The following PLEKHG5 variants were observed in gnomAD, a reference collection of about 807,000 sequenced individuals.
PLEKHG5 encodes pleckstrin homology domain-containing family G member 5.
Under a neutral mutation model 103.8 loss-of-function variants are expected in PLEKHG5, and 52 were observed. That is an observed-to-expected ratio of 0.50 (90% CI 0.40 to 0.63). PLEKHG5 has a LOEUF of 0.63. Ranked by LOEUF, PLEKHG5 falls within the 30% of genes least tolerant of loss-of-function variation. PLEKHG5 has a pLI of 0.00. For synonymous variants in PLEKHG5, 592 were observed against 575.5 expected, an observed-to-expected ratio of 1.03 and a Z score of -0.41; for missense variants, 1,205 against 1,347.6, an observed-to-expected ratio of 0.89 and a Z score of 1.66.
At chr1:6,519,316 C>T in intron 1 of PLEKHG5, 1 of 779,416 alleles carries the variant, frequency 1.3e-6, no homozygotes, top group South Asian at 1.4e-5. Flanking sequence ...CTGCAAGTGG[C>T]TCTTAAACCG....
At chr1:6,475,845 C>T (rs1303907979) in intron 3 of PLEKHG5, 86 bp downstream of exon 3, 6 of 1,134,880 alleles carry the variant, frequency 5.3e-6, no homozygotes, top group Non-Finnish European at 8.0e-6. Flanking sequence ...GAGGAAGGCG[C>T]CAGAGCATCT....
Position 6,473,392 on chromosome 1 carries a change from C to A in PLEKHG5, c.654G>T (p.Gln218His). Residue 218 changes from glutamine to histidine, a missense_variant, in exon 8 of 21, where the codon CAG (glutamine) becomes CAT (histidine). Physicochemically the swap from Gln to His is conservative, Grantham distance 24. Transcript: ENST00000377728. ...EFLGEASIPGQEPPTPSSCSL... is the reference protein window; with the variant it reads ...EFLGEASIPGHEPPTPSSCSL... ...AGCAGCTGGAGGGCGTGGGGGGCTC[C>A]TGCCCGGGGATGCTCGCCTCCCCCA... 1 of 1,546,480 alleles carries A rather than the reference C, an allele frequency of 6.5e-7. No individual in the cohort carries two copies. Among genetic ancestry groups the A allele is most frequent in the Non-Finnish European group, 8.7e-7 (1 of 1,145,128 alleles).
At chr1:6,473,810 T>C (rs1160423528) in intron 7 of PLEKHG5, among the ~76,000 whole-genome samples, 2 of 152,126 alleles carry the variant, frequency 1.3e-5, no homozygotes, top group African/African-American at 4.8e-5. Context: ...GAGTCTCAGA[T>C]ACAAGCCCTC....
At chr1:6,509,882 G>A (rs1360429089) in intron 1 of PLEKHG5, among the ~76,000 whole-genome samples, 1 of 152,176 alleles carries the variant, frequency 6.6e-6, no homozygotes, top group Non-Finnish European at 1.5e-5. Flanking sequence ...CACCCCAAAG[G>A]GATAGACTTG....
chr1:6,473,977 C>T (rs1247813174), intron 7 of PLEKHG5, 36 bp downstream of exon 7: 432 of 662,940 alleles, frequency 6.5e-4, no homozygotes, highest in Middle Eastern at 1.7e-3. Flanking sequence ...TGGGCCCCTT[C>T]CCACCCCCTC....
chr1:6,502,620 T>C (rs1645307820), intron 1 of PLEKHG5, among the ~76,000 whole-genome samples: 1 of 151,680 alleles, frequency 6.6e-6, no homozygotes, highest in Non-Finnish European at 1.5e-5. Flanking sequence ...CCTCCAGAGG[T>C]TCCTCAGAGG....
chr1:6,474,070 C>T lies in PLEKHG5; in HGVS notation c.534G>A (p.Gly178=). ...CGTCCACACGCTCCAGGGCGGGGGG[C>T]CCGGTCCCAGCTGGCCGCAGAATCG... ...SLPILRPAGT[G]PPALERVDAQ... Residue 178 remains glycine (G), a synonymous_variant, in exon 7 of 21, where the codon GGG becomes GGA. Transcript: ENST00000377728. The T allele has an allele frequency of 1.3e-6, 2 of 1,582,082 alleles. No individual in the cohort carries two copies. Among genetic ancestry groups the T allele is most frequent in the Non-Finnish European group, 1.7e-6 (2 of 1,161,714 alleles).
At chr1:6,508,252 A>G (rs976705251) in intron 1 of PLEKHG5, among the ~76,000 whole-genome samples, 2 of 152,136 alleles carry the variant, frequency 1.3e-5, no homozygotes, top group Admixed American at 1.3e-4. Flanking sequence ...GCAGCCCTGG[A>G]TGCCAAGAGG....
chr1:6,502,958 C>T (rs982242353), intron 1 of PLEKHG5, among the ~76,000 whole-genome samples: 1 of 152,232 alleles, frequency 6.6e-6, no homozygotes, highest in African/African-American at 2.4e-5. Flanking sequence ...CACGGGTGAA[C>T]AGGTCTCAGT....
At chr1:6,499,537 G>A (rs1322624312), upstream of PLEKHG5, among the ~76,000 whole-genome samples, 15 of 152,152 alleles carry the variant, frequency 9.9e-5, no homozygotes, top group Non-Finnish European at 7.4e-5. Context: ...TTGCGTAGGC[G>A]AGCTCCTCTC....
At chr1:6,480,747 C>T (rs1255455559) in intron 1 of PLEKHG5, among the ~76,000 whole-genome samples, 1 of 151,536 alleles carries the variant, frequency 6.6e-6, no homozygotes, top group Non-Finnish European at 1.5e-5. Flanking sequence ...CTCCTGGGTT[C>T]AAGTGATTCT....
intron 1 of PLEKHG5, among the ~76,000 whole-genome samples, chr1:6,479,700 TC>T (rs1475661059): frequency 6.6e-6 from 1 of 151,954 alleles, no homozygotes; most frequent in Non-Finnish European, 1.5e-5. Context: ...AACCTCAACC[TC>T]CCGGACTCAA....
upstream of PLEKHG5, among the ~76,000 whole-genome samples, chr1:6,492,425 A>T (rs1645163810): frequency 6.6e-6 from 1 of 152,092 alleles, no homozygotes; most frequent in Non-Finnish European, 1.5e-5. Flanking sequence ...GGCAGGGGGA[A>T]CCCACAATAT....
rs376886483 is a variant in PLEKHG5 at position 6,503,796 on chromosome 1, G to A, written c.-164-7227C>T. Among the ~76,000 whole-genome samples the A allele has an allele frequency of 5.9e-5, 9 of 152,294 alleles. No individual in the cohort carries two copies. In the East Asian group the frequency reaches 1.6e-3, roughly 26 times the overall value. ...GCTCTGTGGCCAGTGTGATCAAGGG[G>A]CCCCAGAGCTGTGAAACCCCAGAAG... On this transcript the variant is annotated intron_variant, in intron 1 of 21. Coordinates refer to the PLEKHG5 transcript ENST00000377740.
intron 12 of PLEKHG5, 103 bp downstream of exon 12, chr1:6,471,384 TG>T: frequency 6.1e-6 from 8 of 1,318,604 alleles, no homozygotes; most frequent in Non-Finnish European, 6.2e-6. Context: ...GTTACGGGCC[TG>T]GGGGAGGTTG....
At chr1:6,518,880 G>GT (rs1321023888) in intron 1 of PLEKHG5, among the ~76,000 whole-genome samples, 1 of 152,228 alleles carries the variant, frequency 6.6e-6, no homozygotes, top group Non-Finnish European at 1.5e-5. Flanking sequence ...GTCTTGCTCT[G>GT]TTGCCCAGGC....
Position 6,470,129 on chromosome 1 carries a change from G to A in PLEKHG5, c.1800+107C>T, listed in dbSNP as rs3007421. 166,510 of 1,258,266 alleles carry A rather than the reference G, an allele frequency of 0.13. 13,033 individuals are homozygous for A. Among genetic ancestry groups the A allele is most frequent in the African/African-American group, 0.32 (21,351 of 67,340 alleles). 77.9% of individuals were successfully genotyped at this position (1,258,266 alleles called of 1,614,324 possible). On this transcript the variant is annotated intron_variant, in intron 16 of 20. Coordinates refer to ENST00000377728, the MANE Select transcript of PLEKHG5 (RefSeq NM_020631.6). ...GTCATTCACTATGACAAGGTCACTG[G>A]TTCTTGAGTAACCACCGAAGGGACT...
intron 1 of PLEKHG5, among the ~76,000 whole-genome samples, chr1:6,511,481 C>G (rs183315097): frequency 1.3e-5 from 2 of 152,222 alleles, no homozygotes; most frequent in Non-Finnish European, 2.9e-5. Context: ...CTGGCAAGCC[C>G]GAGAGAAACG....
intron 7 of PLEKHG5, 78 bp downstream of exon 7, chr1:6,473,935 A>G: frequency 7.2e-7 from 1 of 1,379,330 alleles, no homozygotes; most frequent in Non-Finnish European, 1.0e-6. Context: ...ACCCAGGGTG[A>G]CTGCCTCTGA....
Sources: allele counts gnomAD v4.1 joint callset (sites outside exome capture counted in the v4.1 genomes callset), GRCh38; gene constraint gnomAD v4.1.1; transcripts MANE v1.5; gene names NCBI Gene and HGNC (gene_info 2026-07-23, HGNC 2026-07-21).